Variants in MTMR4 observed in about 807,000 individuals in gnomAD.
MTMR4 encodes the protein phosphatidylinositol-3,5-bisphosphate 3-phosphatase MTMR4.
A neutral mutation model predicts 125.5 loss-of-function variants in MTMR4; 30 were observed. The ratio of observed to expected loss-of-function variants is 0.24; its 90% confidence interval spans 0.18 to 0.32. MTMR4 has a LOEUF of 0.32. MTMR4 is among the 10% of genes least tolerant of loss of function. The pLI, the probability that MTMR4 is intolerant of heterozygous loss-of-function variation, is 1.00. For synonymous variants in MTMR4, 498 were observed against 564.5 expected (o/e 0.88, Z 1.67); for missense variants, 1,039 against 1,511.5 (o/e 0.69, Z 5.18).
intron 9 of MTMR4, among the ~76,000 whole-genome samples, chr17:58,506,087 T>C (rs995325446): frequency 6.6e-6 from 1 of 152,208 alleles, no homozygotes; most frequent in Admixed American, 6.5e-5. Context: ...TTAATAATAG[T>C]AACAGTAATG....
intron 4 of MTMR4, among the ~76,000 whole-genome samples, chr17:58,509,165 G>A (rs1301479601): frequency 1.3e-5 from 2 of 151,906 alleles, no homozygotes; most frequent in Non-Finnish European, 2.9e-5. Context: ...CTACCCTAAT[G>A]GACCAGTGTT....
intron 4 of MTMR4, among the ~76,000 whole-genome samples, chr17:58,509,892 ACCTTGGAGTCAT>A (rs1388907686): frequency 6.6e-6 from 1 of 152,092 alleles, no homozygotes; most frequent in Non-Finnish European, 1.5e-5. Context: ...CTTTTAATAA[ACCTTGGAGTCAT>A]CCAGATTCCT....
At chr17:58,497,431 T>C (rs946799180) in intron 14 of MTMR4, among the ~76,000 whole-genome samples, 5 of 152,176 alleles carry the variant, frequency 3.3e-5, no homozygotes, top group African/African-American at 1.2e-4. Flanking sequence ...TTTAACAACA[T>C]CTTTGCTGTG....
upstream of MTMR4, chr17:58,516,699 C>A (rs1423555900): frequency 8.3e-7 from 1 of 1,198,642 alleles, no homozygotes; most frequent in Non-Finnish European, 1.2e-6. Flanking sequence ...ACATCTACCC[C>A]TGACCTTCTC....
chr17:58,516,590 T>A (rs1176251791), upstream of MTMR4: 2 of 1,614,016 alleles, frequency 1.2e-6, no homozygotes, highest in Non-Finnish European at 1.7e-6. Context: ...CATTCTACCG[T>A]GGCAAGGGTA....
chr17:58,518,100 A>AGGAGGCGCGGCGCCGGAGG (rs1425793004), upstream of MTMR4, among the ~76,000 whole-genome samples: 1 of 152,200 alleles, frequency 6.6e-6, no homozygotes, highest in Non-Finnish European at 1.5e-5. Context: ...ACCTGGAGGA[A>AGGAGGCGCGGCGCCGGAGG]GGAGGCGCGG....
At chr17:58,511,854 T>C (rs529742547) in intron 3 of MTMR4, among the ~76,000 whole-genome samples, 2 of 152,134 alleles carry the variant, frequency 1.3e-5, no homozygotes, top group Non-Finnish European at 2.9e-5. Flanking sequence ...AATGCCACTG[T>C]GCTCCTTAGA....
chr17:58,507,207 C>T lies in MTMR4; in HGVS notation c.820G>A (p.Ala274Thr), dbSNP rs1183455087. 1.9e-6 allele frequency: 3 copies of T among 1,614,224 alleles called. No homozygotes were observed. Among genetic ancestry groups the T allele is most frequent in the Non-Finnish European group, 2.5e-6 (3 of 1,180,044 alleles). The change falls in exon 8 of 18, where the codon GCC (alanine) becomes ACC (threonine). Residue 274 changes from alanine (A) to threonine (T), a missense_variant. Ala to Thr is a moderately conservative substitution (Grantham distance 58). Coordinates refer to ENST00000682306, the MANE Select transcript of MTMR4 (RefSeq NM_001378067.1). ...YLVTSIAKAC[A>T]LDPGTRATGG... is the part of the protein sequence containing the mutation. ...GTGGCCCTTGTCCCCGGGTCCAGGG[C>T]ACAGGCTTTAGCAATGGACGTGACC... is the stretch of plus-strand genomic sequence containing the variant.
At position 58,495,243 on chromosome 17, in the gene MTMR4, G is replaced by A; in HGVS notation, c.2941C>T (p.His981Tyr). The change falls in exon 15 of 18, where the codon CAT becomes TAT. Residue 981 changes from histidine to tyrosine, a missense_variant. This residue lies in a region of MTMR4 where 619 missense variants were observed against 714.5 expected (regional missense o/e 0.87). Coordinates refer to ENST00000682306, the MANE Select transcript of MTMR4 (RefSeq NM_001378067.1). ...EGVKSPVCSS[H>Y]SNGHCTGPGG... The stretch of plus-strand genomic sequence containing the variant: ...GGGCCAGTACAATGTCCATTGGAAT[G>A]ACTAGAACAGACAGGTGACTTCACA... 6.2e-7 allele frequency: 1 copy of A among 1,614,208 alleles called. No individual in the cohort carries two copies. Among genetic ancestry groups the A allele is most frequent in the Non-Finnish European group, 8.5e-7 (1 of 1,180,050 alleles).
chr17:58,514,939 C>T (rs1976047405), upstream of MTMR4: 2 of 906,294 alleles, frequency 2.2e-6, no homozygotes, highest in Non-Finnish European at 2.6e-6. Context: ...AGGTGGAGCT[C>T]ACCTACCCGC....
In MTMR4 at chr17:58,508,408, C is replaced by T. The variant is rs73321659; in HGVS notation, c.593+60G>A. The T allele has an allele frequency of 4.3e-3, 6,866 of 1,590,956 alleles. 251 individuals carry two copies. In the African/African-American group the frequency reaches 0.081, roughly 19 times the overall value. On this transcript the variant is annotated intron_variant, in intron 6 of 17. Coordinates refer to ENST00000682306, the MANE Select transcript of MTMR4 (RefSeq NM_001378067.1). This position sits in a 1 kb window ranked among gnomAD's most constrained non-coding sequence, Gnocchi z 4.8. ...AGACTCAGAAGCTGTGCCCACCACA[C>T]TTTATCCAAACACGGAAGTAGTTTG...
At chr17:58,513,212 C>T (rs1210584365) in intron 1 of MTMR4, among the ~76,000 whole-genome samples, 1 of 152,042 alleles carries the variant, frequency 6.6e-6, no homozygotes, top group Non-Finnish European at 1.5e-5. Context: ...CCTATAGAAC[C>T]AACATTTCAA....
rs1036575582 is a variant in MTMR4 at position 58,495,752 on chromosome 17, G to A, written c.2432C>T (p.Ser811Phe). Residue 811 changes from serine (S) to phenylalanine (F), a missense_variant, in exon 15 of 18, where the codon TCC (serine) becomes TTC (phenylalanine). This residue lies in a region of MTMR4 where 619 missense variants were observed against 714.5 expected (regional missense o/e 0.87). Transcript: ENST00000682306. ...TGTPQQAQPDSMLGVPSKCVL... is the reference protein window; with the variant it reads ...TGTPQQAQPDFMLGVPSKCVL... The stretch of plus-strand genomic sequence containing the variant: ...ACACTTGGAGGGCACACCTAGCATG[G>A]AGTCTGGCTGGGCCTGTTGGGGCGT... The A allele has an allele frequency of 6.2e-7, 1 of 1,614,142 alleles. No homozygotes were observed.
At chr17:58,503,503 G>T (rs1310454259) in intron 14 of MTMR4, among the ~76,000 whole-genome samples, 4 of 152,072 alleles carry the variant, frequency 2.6e-5, no homozygotes, top group Non-Finnish European at 4.4e-5. Flanking sequence ...CAAAAAATTG[G>T]CTGGGCGTGG....
At position 58,496,246 on chromosome 17, in the gene MTMR4, G is replaced by A. The variant is rs1975464450; in HGVS notation, c.1938C>T (p.Asn646=). 14 of 1,614,156 alleles carry A rather than the reference G, an allele frequency of 8.7e-6. No homozygotes were observed. The highest frequency in any genetic ancestry group is 1.2e-5 in the Non-Finnish European group (14 of 1,180,030). The change falls in exon 15 of 18, where the codon AAC becomes AAT. Residue 646 remains asparagine, a synonymous_variant. Transcript: ENST00000682306. ...SPLTRTSSDP[N]LNNHCQEVRV... ...TGACCTCCTGACAGTGGTTATTCAG[G>A]TTAGGGTCACTGGATGTACGAGTCA...
In MTMR4 at chr17:58,491,459, C is replaced by T. The variant is rs1408596750; in HGVS notation, c.*204G>A. 8.4e-6 allele frequency: 4 copies of T among 477,098 alleles called. No individual in the cohort carries two copies. Among genetic ancestry groups the T allele is most frequent in the Admixed American group, 3.5e-5 (1 of 28,292 alleles). The allele number at this position is 477,098 out of a possible 1,614,324, so 29.6% of individuals were successfully genotyped here. On this transcript the variant is annotated 3_prime_UTR_variant, in exon 18 of 18. Transcript: ENST00000682306. ...CTGGGTCTGGGTTAGGACCATTACC[C>T]CAAGGTGAGGGTATCACCAGTAGAG... is the stretch of plus-strand genomic sequence containing the variant.
chr17:58,505,446 A>T (rs757216645), intron 10 of MTMR4, 26 bp downstream of exon 10: 1 of 1,547,036 alleles, frequency 6.5e-7, no homozygotes, highest in South Asian at 1.1e-5. Flanking sequence ...ATGAGACTGG[A>T]AGGAATCCAA....
In MTMR4 at chr17:58,512,529, T is replaced by C. The variant is rs770921618; in HGVS notation, c.136-23A>G. The C allele has an allele frequency of 6.3e-7, 1 of 1,582,424 alleles. No individual in the cohort carries two copies. Among genetic ancestry groups the C allele is most frequent in the East Asian group, 2.2e-5 (1 of 44,728 alleles). On this transcript the variant is annotated intron_variant, in intron 2 of 17. Transcript: ENST00000682306. The surrounding 1 kb of genome is among the most constrained non-coding windows in gnomAD (Gnocchi z 4.1). ...GACCTGTCAAGGGGCAGAGAAACCT[T>C]CAGTCCAGAAGTGAGTGACCACCTT...
In MTMR4 at chr17:58,511,458, G is replaced by A. The variant is rs1002250757; in HGVS notation, c.306C>T (p.His102=). The A allele has an allele frequency of 2.4e-5, 38 of 1,612,718 alleles. No individual in the cohort carries two copies. In the East Asian group the frequency reaches 4.5e-4, roughly 19 times the overall value. The change falls in exon 4 of 18, where the codon CAC becomes CAT. Residue 102 remains histidine, a synonymous_variant. Coordinates refer to ENST00000682306, the MANE Select transcript of MTMR4 (RefSeq NM_001378067.1). ...CCACTTTGGAGTCCTTGCAGGAAAT[G>A]TGCAACTGGAACATATCACGGCTCT... ...SVESRDMFQL[H]ISCKDSKVVR...
Sources: allele counts gnomAD v4.1 joint callset (sites outside exome capture counted in the v4.1 genomes callset), GRCh38; gene constraint gnomAD v4.1.1; regional missense constraint gnomAD v4.1.1; non-coding constraint Gnocchi (gnomAD v3.1); transcripts MANE v1.5; gene names NCBI Gene and HGNC (gene_info 2026-07-23, HGNC 2026-07-21).